NUBPL: variants seen among roughly 807,000 people sequenced by gnomAD.
NUBPL encodes NUBP iron-sulfur cluster assembly factor, mitochondrial, also known as iron-sulfur cluster transfer protein NUBPL.
In NUBPL, 31 loss-of-function variants were observed where a neutral mutation model predicts 45.7. The observed-to-expected ratio is 0.68, with a 90% confidence interval of 0.51 to 0.92. The LOEUF (loss-of-function observed/expected upper bound fraction) is 0.92, where lower values mean the gene tolerates loss of function less well. Among genes scored for constraint, NUBPL ranks in the 40% least tolerant of loss-of-function variants. NUBPL has a pLI of 0.00. For missense variants in NUBPL, 401 were observed against 398.7 expected (o/e 1.01, Z -0.05); for synonymous variants, 144 against 140.9 (o/e 1.02, Z -0.15).
chr14:31,805,811 C>CT (rs1566571918), intron 7 of NUBPL, among the ~76,000 whole-genome samples: 2 of 144,670 alleles, frequency 1.4e-5, no homozygotes, highest in African/African-American at 2.9e-5. Flanking sequence ...GGGTATTAGG[C>CT]TTAATACGTG....
chr14:31,760,580 T>C (rs1006572691), intron 6 of NUBPL, among the ~76,000 whole-genome samples: 2 of 152,180 alleles, frequency 1.3e-5, no homozygotes, highest in South Asian at 4.1e-4. Context: ...GTTTGTCTTT[T>C]TGTGCCTGGC....
chr14:31,647,720 C>T (rs928957493), intron 4 of NUBPL, among the ~76,000 whole-genome samples: 5 of 152,204 alleles, frequency 3.3e-5, no homozygotes, highest in Non-Finnish European at 2.9e-5. Flanking sequence ...TCCCTTTAGG[C>T]GTTCATGATG....
At chr14:31,715,453 T>C (rs1463249392) in intron 6 of NUBPL, among the ~76,000 whole-genome samples, 1 of 152,184 alleles carries the variant, frequency 6.6e-6, no homozygotes, top group Non-Finnish European at 1.5e-5. Context: ...CAAACCTAGA[T>C]AGTATAGCCT....
At chr14:31,580,576 T>A (rs918126580) in intron 3 of NUBPL, among the ~76,000 whole-genome samples, 1 of 152,142 alleles carries the variant, frequency 6.6e-6, no homozygotes, top group Admixed American at 6.5e-5. Context: ...ATCACACCAC[T>A]GTGCTACAGC....
intron 6 of NUBPL, among the ~76,000 whole-genome samples, chr14:31,684,804 G>T (rs1211887844): frequency 1.3e-5 from 2 of 152,156 alleles, no homozygotes; most frequent in Non-Finnish European, 1.5e-5. Context: ...GTTATAATGG[G>T]TATCAACATT....
chr14:31,571,604 C>T (rs1341954932), intron 3 of NUBPL, among the ~76,000 whole-genome samples: 2 of 152,088 alleles, frequency 1.3e-5, no homozygotes, highest in Admixed American at 1.3e-4. Context: ...CAAGCACCAC[C>T]ATGCCTGGCT....
intron 6 of NUBPL, among the ~76,000 whole-genome samples, chr14:31,724,242 A>G (rs1179360966): frequency 6.6e-6 from 1 of 152,240 alleles, no homozygotes; most frequent in East Asian, 1.9e-4. Context: ...AAAAATTTGA[A>G]GAAGGAAATT....
chr14:31,725,010 G>A (rs1343708971), intron 6 of NUBPL, among the ~76,000 whole-genome samples: 1 of 151,720 alleles, frequency 6.6e-6, no homozygotes, highest in East Asian at 1.9e-4. Flanking sequence ...AGGAAGCCAG[G>A]GGTTATGTCA....
rs535043985 is a variant in NUBPL at position 31,587,381 on chromosome 14, C to T, written c.292-11908C>T. On this transcript the variant is annotated intron_variant, in intron 3 of 10. Transcript: ENST00000281081. ...GGAATAATAATAATGATAATGCTTACTTTACACAGCTTTTGTGAAATGTAG... is the reference window on the plus strand; with the variant it reads ...GGAATAATAATAATGATAATGCTTATTTTACACAGCTTTTGTGAAATGTAG... Among the ~76,000 whole-genome samples the T allele has an allele frequency of 6.8e-4, 103 of 152,190 alleles. 1 individual carries two copies. The highest frequency in any genetic ancestry group is 1.2e-3 in the Non-Finnish European group (80 of 68,024).
At chr14:31,832,352 C>T (rs116457695) in intron 8 of NUBPL, among the ~76,000 whole-genome samples, 6 of 151,964 alleles carry the variant, frequency 3.9e-5, no homozygotes, top group Non-Finnish European at 2.9e-5. Context: ...TCTTGGGAAT[C>T]GATTGTATAG....
intron 4 of NUBPL, among the ~76,000 whole-genome samples, chr14:31,602,440 G>A (rs2034466781): frequency 6.6e-6 from 1 of 150,610 alleles, no homozygotes; most frequent in African/African-American, 2.4e-5. Flanking sequence ...TGTACTTTGA[G>A]GAATCATTTC....
intron 6 of NUBPL, among the ~76,000 whole-genome samples, chr14:31,734,187 G>A (rs1185116666): frequency 6.6e-6 from 1 of 152,090 alleles, no homozygotes; most frequent in Non-Finnish European, 1.5e-5. Context: ...CACGGGTGAT[G>A]TTGTTCTATA....
intron 7 of NUBPL, among the ~76,000 whole-genome samples, chr14:31,823,621 G>C (rs999994376): frequency 6.6e-6 from 1 of 152,076 alleles, no homozygotes; most frequent in Non-Finnish European, 1.5e-5. Context: ...TTATAGTTAA[G>C]ATGTAATGCT....
intron 4 of NUBPL, among the ~76,000 whole-genome samples, chr14:31,641,657 G>C (rs1266122119): frequency 6.6e-6 from 1 of 152,168 alleles, no homozygotes; most frequent in Non-Finnish European, 1.5e-5. Flanking sequence ...TGCAGTATCT[G>C]TTTGATATAT....
At chr14:31,722,911 T>C (rs1019738572) in intron 6 of NUBPL, among the ~76,000 whole-genome samples, 1 of 152,152 alleles carries the variant, frequency 6.6e-6, no homozygotes, top group South Asian at 2.1e-4. Flanking sequence ...AGATAGTTTT[T>C]TTTTGTTTTT....
At chr14:31,832,733 TG>T (rs1284260046) in intron 8 of NUBPL, among the ~76,000 whole-genome samples, 2 of 152,238 alleles carry the variant, frequency 1.3e-5, no homozygotes, top group Non-Finnish European at 2.9e-5. Context: ...GAGGCATTTT[TG>T]CATAGTAGTG....
rs903014520 is a variant in NUBPL, at chr14:31,729,272, C to T, written c.513+55698C>T. On this transcript the variant is annotated intron_variant, in intron 6 of 10. Coordinates refer to ENST00000281081, the MANE Select transcript of NUBPL (RefSeq NM_025152.3). ...CCAGCCTGGGTGACAGAGAGATGCT[C>T]CATCCCCCCCCCCCCCAAAAAAAAA... is the stretch of plus-strand genomic sequence containing the variant. 7.1e-5 allele frequency among the ~76,000 whole-genome samples: 5 copies of T among 70,730 alleles called. No homozygotes were observed. In the East Asian group the frequency reaches 6.1e-3, roughly 87 times the overall value. 46.4% of individuals were successfully genotyped at this position (70,730 alleles called of 152,430 possible).
chr14:31,743,527 G>C (rs567484709), intron 6 of NUBPL, among the ~76,000 whole-genome samples: 2 of 151,990 alleles, frequency 1.3e-5, no homozygotes, highest in African/African-American at 4.8e-5. Context: ...TTACAGGCAT[G>C]CACCACCACG....
At chr14:31,571,507 T>G (rs965091192) in intron 3 of NUBPL, among the ~76,000 whole-genome samples, 1 of 151,846 alleles carries the variant, frequency 6.6e-6, no homozygotes, top group Non-Finnish European at 1.5e-5. Flanking sequence ...TGGAGTGCAG[T>G]GGCATGATCT....
Sources: gnomAD v4.1 joint callset for allele counts (sites outside exome capture counted in the v4.1 genomes callset) on GRCh38, gnomAD v4.1.1 for gene constraint, MANE v1.5 for transcripts, NCBI Gene and HGNC (gene_info 2026-07-23, HGNC 2026-07-21) for gene names.